Variants in PCDHGB5 observed in about 807,000 individuals in gnomAD.
PCDHGB5 encodes protocadherin gamma-B5.
Under a neutral mutation model 62.9 loss-of-function variants are expected in PCDHGB5, and 48 were observed. The ratio of observed to expected loss-of-function variants is 0.76; its 90% CI spans 0.61 to 0.97. The LOEUF (loss-of-function observed/expected upper bound fraction) is 0.97. PCDHGB5 is among the 50% of genes least tolerant of loss of function. PCDHGB5 has a pLI of 0.00. For missense variants in PCDHGB5, 1,118 were observed against 1,198.6 expected (o/e 0.93, Z 0.99); for synonymous variants, 474 against 511.2 (o/e 0.93, Z 0.98).
intron 1 of PCDHGB5, among the ~76,000 whole-genome samples, chr5:141,465,219 C>A (rs1272266733): frequency 6.6e-6 from 1 of 152,004 alleles, no homozygotes; most frequent in Non-Finnish European, 1.5e-5. Context: ...TATTTTTCAA[C>A]ATGAGCTCCA....
In PCDHGB5 at chr5:141,491,169, G is replaced by A. The variant is rs374498014; in HGVS notation, c.2398-3638G>A. The A allele has an allele frequency of 1.2e-6, 2 of 1,614,192 alleles. No homozygotes were observed. Among genetic ancestry groups the A allele is most frequent in the African/African-American group, 1.3e-5 (1 of 75,058 alleles). On this transcript the variant is annotated intron_variant, in intron 1 of 3. Transcript: ENST00000617380. The surrounding 1 kb of genome is among the most constrained non-coding windows in gnomAD (Gnocchi z 6.9). ...TGGAGGATGACTCTGACACCCAGCA[G>A]GTGGTGGTCCTGGTGAGGGACAATG...
At chr5:141,414,285 A>G (rs766515802) in intron 1 of PCDHGB5, 1 of 1,613,634 alleles carries the variant, frequency 6.2e-7, no homozygotes, top group East Asian at 2.2e-5. Context: ...GAACAGTCGT[A>G]GCCCTTTTAA....
intron 1 of PCDHGB5, chr5:141,421,270 C>G: frequency 6.2e-7 from 1 of 1,612,094 alleles, no homozygotes; most frequent in Non-Finnish European, 8.5e-7. Context: ...TCGGCTGCTG[C>G]TGCTGCTGTG....
At position 141,477,167 on chromosome 5, in the gene PCDHGB5, G is replaced by A; in HGVS notation, c.2398-17640G>A. On this transcript the variant is annotated intron_variant, in intron 1 of 3. Coordinates refer to ENST00000617380, the MANE Select transcript of PCDHGB5 (RefSeq NM_018925.3). This position sits in a 1 kb window ranked among gnomAD's most constrained non-coding sequence, Gnocchi z 4.9. ...TGTGGATGTGAATGACAACGCCCCGGAGATCACAGTCACCTCCGTGTACAG... is the reference window on the plus strand; with the variant it reads ...TGTGGATGTGAATGACAACGCCCCGAAGATCACAGTCACCTCCGTGTACAG... 6.2e-7 allele frequency: 1 copy of A among 1,614,166 alleles called. No homozygotes were observed. Among genetic ancestry groups the A allele is most frequent in the South Asian group, 1.1e-5 (1 of 91,076 alleles).
chr5:141,497,413 T>C (rs572922456), intron 2 of PCDHGB5, among the ~76,000 whole-genome samples: 8 of 152,046 alleles, frequency 5.3e-5, no homozygotes, highest in Admixed American at 5.2e-4. Context: ...TCCCATTCCA[T>C]CAAATGAGAG....
rs2099085120 is a variant in PCDHGB5, at chr5:141,464,455, T to C, written c.2398-30352T>C. Among the ~76,000 whole-genome samples, 2 of 151,794 alleles carry C rather than the reference T, an allele frequency of 1.3e-5. 1 individual carries two copies. Among genetic ancestry groups the C allele is most frequent in the Non-Finnish European group, 2.9e-5 (2 of 67,958 alleles). On this transcript the variant is annotated intron_variant, in intron 1 of 3. Coordinates refer to ENST00000617380, the MANE Select transcript of PCDHGB5 (RefSeq NM_018925.3). ...TATATGTTTGTTGTTGTTGTTGTTA[T>C]TTTTGAAGTATGTACGTATAATAAA...
At chr5:141,403,223 G>C (rs1414315950) in intron 1 of PCDHGB5, 2 of 1,613,968 alleles carry the variant, frequency 1.2e-6, no homozygotes, top group Non-Finnish European at 8.5e-7. Flanking sequence ...GGGTAGGATA[G>C]ACCGGGAGGA....
At chr5:141,410,086 G>T in intron 1 of PCDHGB5, 1 of 1,612,588 alleles carries the variant, frequency 6.2e-7, no homozygotes, top group Non-Finnish European at 8.5e-7. Flanking sequence ...AGGTGCGCAC[G>T]GCTCGAGCCT....
At chr5:141,480,702 C>T (rs1455955207) in intron 1 of PCDHGB5, among the ~76,000 whole-genome samples, 1 of 152,170 alleles carries the variant, frequency 6.6e-6, no homozygotes, top group African/African-American at 2.4e-5. Context: ...AGGCCACACC[C>T]CGACAAATGA....
chr5:141,410,091 G>C (rs778509378), intron 1 of PCDHGB5: 8 of 1,612,400 alleles, frequency 5.0e-6, no homozygotes, highest in South Asian at 1.1e-5. Context: ...CGCACGGCTC[G>C]AGCCTTAGGC....
intron 1 of PCDHGB5, chr5:141,415,955 G>A: frequency 8.5e-6 from 4 of 472,662 alleles, no homozygotes; most frequent in Non-Finnish European, 1.3e-5. Context: ...GTCACATATT[G>A]AAACTCCAGC....
intron 2 of PCDHGB5, among the ~76,000 whole-genome samples, chr5:141,504,997 AC>A (rs554150488): frequency 9.9e-5 from 15 of 152,238 alleles, no homozygotes; most frequent in African/African-American, 2.9e-4. Flanking sequence ...CCCCGTCTGT[AC>A]TAAAAATACA....
chr5:141,456,715 A>G (rs2098881350), intron 1 of PCDHGB5, among the ~76,000 whole-genome samples: 1 of 152,204 alleles, frequency 6.6e-6, no homozygotes, highest in South Asian at 2.1e-4. Flanking sequence ...CTGTAATCCC[A>G]GCACTTTGGG....
At chr5:141,492,637 C>T (rs2099742781) in intron 1 of PCDHGB5, among the ~76,000 whole-genome samples, 1 of 152,260 alleles carries the variant, frequency 6.6e-6, no homozygotes, top group South Asian at 2.1e-4. Context: ...CTCTACGATC[C>T]TTGGGCCAGA....
intron 1 of PCDHGB5, among the ~76,000 whole-genome samples, chr5:141,437,721 A>G (rs2097904045): frequency 6.6e-6 from 1 of 151,664 alleles, no homozygotes; most frequent in African/African-American, 2.4e-5. Flanking sequence ...TTACCCTCTA[A>G]TGTTACACTT....
At chr5:141,484,863 G>T (rs561595169) in intron 1 of PCDHGB5, 136 of 273,782 alleles carry the variant, frequency 5.0e-4, no homozygotes, top group African/African-American at 2.8e-3. Context: ...GGGGGTGGGG[G>T]AGCGTGGAGG....
intron 1 of PCDHGB5, chr5:141,478,491 G>A: frequency 6.2e-7 from 1 of 1,613,152 alleles, no homozygotes; most frequent in Non-Finnish European, 8.5e-7. Flanking sequence ...CTGCGGAGCT[G>A]TGATCCGGTG....
chr5:141,436,384 C>A lies in PCDHGB5; in HGVS notation c.2397+35860C>A, dbSNP rs1048094484. 2.6e-5 allele frequency among the ~76,000 whole-genome samples: 4 copies of A among 152,222 alleles called. 1 individual carries two copies. Among genetic ancestry groups the A allele is most frequent in the Non-Finnish European group, 4.4e-5 (3 of 67,978 alleles). On this transcript the variant is annotated intron_variant, in intron 1 of 3. Coordinates refer to ENST00000617380, the MANE Select transcript of PCDHGB5 (RefSeq NM_018925.3). The stretch of plus-strand genomic sequence containing the variant: ...ATGTTTCCAGTTTAAGCTGAATAGG[C>A]TTTATTAAATAGTTGTTGAATGAAT...
In PCDHGB5 at chr5:141,399,335, A is replaced by G; in HGVS notation, c.1208A>G (p.Asp403Gly). Reference protein sequence around the residue: ...SSKNSYKLVTDGTLDREQTPE... With the variant: ...SSKNSYKLVTGGTLDREQTPE... ...AAAAATTCGTATAAGTTGGTAACAG[A>G]TGGAACCCTAGACCGAGAGCAAACC... Residue 403 changes from aspartate to glycine, a missense_variant, in exon 1 of 4, where the codon GAT becomes GGT. Transcript: ENST00000617380. 3 of 1,613,978 alleles carry G rather than the reference A, an allele frequency of 1.9e-6. No homozygotes were observed. Among genetic ancestry groups the G allele is most frequent in the Non-Finnish European group, 2.5e-6 (3 of 1,179,904 alleles).
Sources: allele counts gnomAD v4.1 joint callset (sites outside exome capture counted in the v4.1 genomes callset), GRCh38; gene constraint gnomAD v4.1.1; non-coding constraint Gnocchi (gnomAD v3.1); transcripts MANE v1.5; gene names NCBI Gene and HGNC (gene_info 2026-07-23, HGNC 2026-07-21).